Variants in LPGAT1 observed in about 807,000 individuals in gnomAD.
The protein encoded by LPGAT1 is acyl-CoA:lysophosphatidylglycerol acyltransferase 1.
Under a neutral mutation model 47.5 loss-of-function variants are expected in LPGAT1, and 11 were observed. That is an observed-to-expected ratio of 0.23 (90% CI 0.15 to 0.38). LPGAT1 has a LOEUF of 0.38. Among genes scored for constraint, LPGAT1 ranks in the 10% least tolerant of loss-of-function variants. The pLI is 1.00. For missense variants in LPGAT1, 293 were observed against 439.0 expected (o/e 0.67, Z 2.97); for synonymous variants, 138 against 144.2 (o/e 0.96, Z 0.31).
chr1:211,753,209 T>A (rs1393242347), intron 6 of LPGAT1, among the ~76,000 whole-genome samples: 1 of 152,234 alleles, frequency 6.6e-6, no homozygotes, highest in South Asian at 2.1e-4. Context: ...CTATACCTCA[T>A]GTCTCTTTCA....
chr1:211,828,896 C>T (rs1477470023), intron 2 of LPGAT1, among the ~76,000 whole-genome samples, 163 bp downstream of exon 2: 2 of 152,128 alleles, frequency 1.3e-5, no homozygotes, highest in African/African-American at 4.8e-5. Flanking sequence ...AAACATTGGT[C>T]TTCCTGAGAT....
At chr1:211,770,385 T>G (rs1658115279) in intron 6 of LPGAT1, among the ~76,000 whole-genome samples, 1 of 152,222 alleles carries the variant, frequency 6.6e-6, no homozygotes, top group African/African-American at 2.4e-5. Flanking sequence ...CCTGATCTTT[T>G]CATATATTTT....
At chr1:211,829,613 GTGTCTCAC>G in intron 1 of LPGAT1, 1 of 1,174,052 alleles carries the variant, frequency 8.5e-7, no homozygotes, top group Non-Finnish European at 1.1e-6. Flanking sequence ...TCCCCGCACC[GTGTCTCAC>G]TGCGGTCGTC....
chr1:211,759,868 T>A (rs574099158), intron 6 of LPGAT1, among the ~76,000 whole-genome samples: 1 of 152,364 alleles, frequency 6.6e-6, no homozygotes, highest in African/African-American at 2.4e-5. Flanking sequence ...CAAATGTTCA[T>A]TCATATGTAA....
chr1:211,779,490 A>AT (rs1372937528), intron 5 of LPGAT1, among the ~76,000 whole-genome samples: 9 of 152,204 alleles, frequency 5.9e-5, no homozygotes, highest in African/African-American at 2.2e-4. Context: ...ATGGGCATTA[A>AT]TAAATATTGG....
intron 2 of LPGAT1, among the ~76,000 whole-genome samples, chr1:211,808,961 G>A (rs2102583777): frequency 6.6e-6 from 1 of 152,076 alleles, no homozygotes; most frequent in Non-Finnish European, 1.5e-5. Flanking sequence ...ACTTTGGGAG[G>A]CTGAGGTGGG....
intron 2 of LPGAT1, among the ~76,000 whole-genome samples, chr1:211,823,541 C>T (rs1314888262): frequency 6.6e-6 from 1 of 152,180 alleles, no homozygotes; most frequent in East Asian, 1.9e-4. Context: ...CCCACCAAGG[C>T]TGCTGTGAGC....
At chr1:211,785,114 T>C (rs1658825629) in intron 4 of LPGAT1, among the ~76,000 whole-genome samples, 1 of 152,096 alleles carries the variant, frequency 6.6e-6, no homozygotes, top group Admixed American at 6.6e-5. Context: ...GTTCTTTCTT[T>C]CAGTGTGATC....
chr1:211,803,482 AG>A (rs1659649406), intron 2 of LPGAT1, among the ~76,000 whole-genome samples: 1 of 152,218 alleles, frequency 6.6e-6, no homozygotes, highest in African/African-American at 2.4e-5. Flanking sequence ...AAATTGGCAG[AG>A]TAGCATCTGA....
rs180786679 is a variant in LPGAT1 at position 211,785,051 on chromosome 1, C to G, written c.454-1549G>C. Among the ~76,000 whole-genome samples the G allele has an allele frequency of 2.0e-3, 303 of 152,248 alleles. 1 individual carries two copies. The highest frequency in any genetic ancestry group is 7.0e-3 in the African/African-American group (293 of 41,568). ...ATCTCCTGACCTTGTGATCTGCCCCCCTTGGCCTCCCAAAGTGCTGGGATT... is the reference window on the plus strand; with the variant it reads ...ATCTCCTGACCTTGTGATCTGCCCCGCTTGGCCTCCCAAAGTGCTGGGATT... On this transcript the variant is annotated intron_variant, in intron 4 of 7. Transcript: ENST00000366997.
chr1:211,793,954 C>A (rs1268782218), intron 2 of LPGAT1, among the ~76,000 whole-genome samples: 3 of 152,136 alleles, frequency 2.0e-5, no homozygotes, highest in African/African-American at 4.8e-5. Context: ...GTATTATCAA[C>A]TAACAAAGCA....
intron 6 of LPGAT1, among the ~76,000 whole-genome samples, chr1:211,763,557 A>C (rs527479126): frequency 6.6e-6 from 1 of 152,332 alleles, no homozygotes; most frequent in South Asian, 2.1e-4. Flanking sequence ...ATAGAAAATT[A>C]ACTTAGATAT....
chr1:211,773,469 TA>T (rs1658260448), intron 6 of LPGAT1, among the ~76,000 whole-genome samples: 1 of 152,214 alleles, frequency 6.6e-6, no homozygotes, highest in Non-Finnish European at 1.5e-5. Context: ...ACCAAAGTCC[TA>T]ATCAAGTTAC....
Position 211,773,349 on chromosome 1 carries a change from C to T in LPGAT1, c.854+5569G>A, listed in dbSNP as rs193185964. 2.0e-5 allele frequency among the ~76,000 whole-genome samples: 3 copies of T among 152,244 alleles called. No homozygotes were observed. The East Asian group carries it at 5.8e-4, about 29-fold the overall frequency. On this transcript the variant is annotated intron_variant, in intron 6 of 7. Coordinates refer to ENST00000366997, the MANE Select transcript of LPGAT1 (RefSeq NM_014873.3). Reference sequence around the variant, plus strand: ...ATGTTTGTTTACCCTTGCTAGACAGCATATGTATCTTTAAAAAATATTAAT... The same window carrying T: ...ATGTTTGTTTACCCTTGCTAGACAGTATATGTATCTTTAAAAAATATTAAT...
chr1:211,807,214 A>T (rs548446735), intron 2 of LPGAT1, among the ~76,000 whole-genome samples: 2 of 152,286 alleles, frequency 1.3e-5, no homozygotes, highest in East Asian at 3.9e-4. Context: ...TTTAAAACAC[A>T]TGAACAAGAT....
At chr1:211,778,373 A>G (rs1658502458) in intron 6 of LPGAT1, among the ~76,000 whole-genome samples, 2 of 151,776 alleles carry the variant, frequency 1.3e-5, no homozygotes, top group Non-Finnish European at 2.9e-5. Flanking sequence ...AAAAAAAAAA[A>G]AGGAAGGCAT....
chr1:211,792,435 C>G (rs1005988308), intron 3 of LPGAT1: 1 of 144,170 alleles, frequency 6.9e-6, no homozygotes, highest in Admixed American at 6.9e-5. Flanking sequence ...TTGTATTTTT[C>G]AAACTAGCAA....
At chr1:211,826,666 GAT>G (rs10565966) in intron 2 of LPGAT1, among the ~76,000 whole-genome samples, 130,190 of 148,768 alleles carry the variant, frequency 0.88, 57,005 homozygotes, top group East Asian at 0.98. Context: ...TTTGGAAAAA[GAT>G]ATATATATAT....
chr1:211,785,713 T>C (rs1381727926), intron 4 of LPGAT1, among the ~76,000 whole-genome samples: 3 of 151,852 alleles, frequency 2.0e-5, no homozygotes, highest in Admixed American at 2.0e-4. Context: ...TTCAAGCGAT[T>C]CTCCTGCCTC....
Sources: allele counts gnomAD v4.1 joint callset (sites outside exome capture counted in the v4.1 genomes callset), GRCh38; gene constraint gnomAD v4.1.1; transcripts MANE v1.5; gene names NCBI Gene and HGNC (gene_info 2026-07-23, HGNC 2026-07-21).